Variants in ZC3H12B observed in about 807,000 individuals in gnomAD.
The protein encoded by ZC3H12B is zinc finger CCCH-type containing 12B, also known as probable ribonuclease ZC3H12B.
In ZC3H12B, 7 loss-of-function variants were observed where a neutral mutation model predicts 43.9. That is an observed-to-expected ratio of 0.16 (90% CI 0.09 to 0.30). The LOEUF is 0.30. Ranked by LOEUF, ZC3H12B falls within the 10% of genes least tolerant of loss-of-function variation. The pLI is 1.00. For synonymous variants in ZC3H12B, 222 were observed against 241.7 expected (o/e 0.92, Z 0.76); for missense variants, 475 against 670.2 (o/e 0.71, Z 3.22).
At chrX:65,311,424 C>A in the ZC3H12B span, among the ~76,000 whole-genome samples, 1 of 112,102 alleles carries the variant, frequency 8.9e-6, no homozygotes, top group Non-Finnish European at 1.9e-5. Flanking sequence ...CAGAGAAATG[C>A]AAATCAAAAC....
At chrX:65,500,535 C>T (rs185638390) in intron 4 of ZC3H12B, among the ~76,000 whole-genome samples, 302 of 111,366 alleles carry the variant, frequency 2.7e-3, no homozygotes, top group Middle Eastern at 4.6e-3. Flanking sequence ...TTAAGCGATT[C>T]TCCTCCCTCA....
chrX:65,240,669 C>T, the ZC3H12B span, among the ~76,000 whole-genome samples: 4 of 112,435 alleles, frequency 3.6e-5, no homozygotes, highest in Non-Finnish European at 7.5e-5. Flanking sequence ...CATTTTTCAG[C>T]ATTTTCACAC....
In ZC3H12B at chrX:65,456,748, A is replaced by T. The variant is rs2067621703; in HGVS notation, n.408-31898A>T. ...CAGAGTCTCGTTCACTCAGTGCTCA[A>T]TGGTGCCCAGGCTGGAGTGCAGTGG... is the stretch of plus-strand genomic sequence containing the variant. On this transcript the variant is annotated intron_variant and non_coding_transcript_variant, in intron 3 of 5. Transcript: ENST00000617377. Among the ~76,000 whole-genome samples, 7 of 109,018 alleles carry T rather than the reference A, an allele frequency of 6.4e-5. No homozygotes were observed. In the South Asian group the frequency reaches 2.9e-3, roughly 45 times the overall value. The allele number at this position is 109,018 out of a possible 115,157, so 94.7% of individuals were successfully genotyped here.
the ZC3H12B span, among the ~76,000 whole-genome samples, chrX:65,260,434 A>C: frequency 9.0e-6 from 1 of 111,279 alleles, no homozygotes; most frequent in East Asian, 2.8e-4. Flanking sequence ...GGGTGGGAAG[A>C]AGGTTAAGGA....
At chrX:65,238,059 G>T in the ZC3H12B span, among the ~76,000 whole-genome samples, 1 of 111,583 alleles carries the variant, frequency 9.0e-6, no homozygotes, top group African/African-American at 3.3e-5. Context: ...TCAGGATGAT[G>T]TTAGCCTCAT....
the ZC3H12B span, among the ~76,000 whole-genome samples, chrX:65,138,072 C>G: frequency 8.9e-6 from 1 of 112,229 alleles, no homozygotes; most frequent in African/African-American, 3.2e-5. Context: ...TCAGGCAATC[C>G]TCCCGCCTCT....
At chrX:65,383,268 G>T (rs1020596404) in intron 2 of ZC3H12B, among the ~76,000 whole-genome samples, 1 of 111,589 alleles carries the variant, frequency 9.0e-6, no homozygotes, top group African/African-American at 3.3e-5. Flanking sequence ...TAGATCAATG[G>T]AACAGAACAG....
At chrX:65,253,309 G>A in the ZC3H12B span, among the ~76,000 whole-genome samples, 2 of 112,244 alleles carry the variant, frequency 1.8e-5, no homozygotes, top group African/African-American at 6.5e-5. Context: ...CAACTCCTGG[G>A]GAAAAAGGAA....
chrX:65,360,845 A>G, the ZC3H12B span, among the ~76,000 whole-genome samples: 10 of 112,448 alleles, frequency 8.9e-5, no homozygotes, highest in African/African-American at 1.3e-4. Flanking sequence ...TATCAGGCAG[A>G]AGAAAAATTG....
chrX:65,399,588 G>A (rs1465067755), intron 3 of ZC3H12B, among the ~76,000 whole-genome samples: 1 of 112,078 alleles, frequency 8.9e-6, no homozygotes, highest in African/African-American at 3.2e-5. Context: ...TGGTGGTAAT[G>A]TAAATTAGTA....
chrX:65,224,081 G>C, the ZC3H12B span, among the ~76,000 whole-genome samples: 1 of 112,552 alleles, frequency 8.9e-6, no homozygotes, highest in South Asian at 3.7e-4. Context: ...AAGGTGTAAA[G>C]AAACTGTGGT....
rs1024786439 is a variant in ZC3H12B, at chrX:65,407,970, G to T, written n.407+9266G>T. On this transcript the variant is annotated intron_variant and non_coding_transcript_variant, in intron 3 of 5. Coordinates refer to the ZC3H12B transcript ENST00000617377. ...GCGCGCCTGCGTGCGTGGCCACCTC[G>T]CTCCCCGCTTCTGCCTGGCTTTCCG... 2.8e-5 allele frequency: 26 copies of T among 943,062 alleles called. No homozygotes were observed. The East Asian group carries it at 5.1e-4, about 19-fold the overall frequency. 77.7% of individuals were successfully genotyped at this position (943,062 alleles called of 1,213,427 possible).
chrX:65,364,856 G>A (rs1012528006), upstream of ZC3H12B, among the ~76,000 whole-genome samples: 1 of 111,141 alleles, frequency 9.0e-6, no homozygotes, highest in African/African-American at 3.3e-5. Context: ...TCAGGGATTT[G>A]CCCCTGCCCA....
the ZC3H12B span, among the ~76,000 whole-genome samples, chrX:65,134,158 G>A: frequency 8.4e-4 from 93 of 110,651 alleles, no homozygotes; most frequent in African/African-American, 2.8e-3. Context: ...AGTGAAGGAG[G>A]CAAGCCCAGA....
chrX:65,280,419 C>A, the ZC3H12B span, among the ~76,000 whole-genome samples: 1 of 111,860 alleles, frequency 8.9e-6, no homozygotes, highest in Non-Finnish European at 1.9e-5. Context: ...TTATAAACGA[C>A]AAACCCACAG....
At chrX:65,157,725 G>A in the ZC3H12B span, among the ~76,000 whole-genome samples, 5 of 108,552 alleles carry the variant, frequency 4.6e-5, no homozygotes, top group Admixed American at 9.8e-5. Context: ...ATCTTATTTG[G>A]GAATTTCTCT....
the ZC3H12B span, among the ~76,000 whole-genome samples, chrX:65,222,399 G>T: frequency 1.8e-5 from 2 of 110,286 alleles, no homozygotes; most frequent in Admixed American, 9.8e-5. Context: ...CAGTAAATAG[G>T]AAGTCAAACT....
chrX:65,079,445 G>T, the ZC3H12B span, among the ~76,000 whole-genome samples: 2 of 112,530 alleles, frequency 1.8e-5, no homozygotes, highest in Admixed American at 9.4e-5. Context: ...ACTGGATTCA[G>T]GTCTGACCCA....
At chrX:65,151,530 T>A in the ZC3H12B span, among the ~76,000 whole-genome samples, 1 of 112,044 alleles carries the variant, frequency 8.9e-6, no homozygotes, top group Admixed American at 9.5e-5. Context: ...ATTTTGAATT[T>A]TTAATTACTC....
Sources: allele counts gnomAD v4.1 joint callset (sites outside exome capture counted in the v4.1 genomes callset), GRCh38; gene constraint gnomAD v4.1.1; transcripts MANE v1.5; gene names NCBI Gene and HGNC (gene_info 2026-07-23, HGNC 2026-07-21).